The following MATN4 variants were observed in gnomAD, a reference collection of about 807,000 sequenced individuals.
MATN4 encodes matrilin-4.
A neutral mutation model predicts 54.6 loss-of-function variants in MATN4; 40 were observed. That is an observed-to-expected ratio of 0.73 (90% confidence interval 0.57 to 0.95). The LOEUF (loss-of-function observed/expected upper bound fraction) is 0.95. Ranked by LOEUF, MATN4 falls within the 40% of genes least tolerant of loss-of-function variation. MATN4 has a pLI of 0.00. For synonymous variants in MATN4, 351 were observed against 345.3 expected, an observed-to-expected ratio of 1.02 and a Z score of -0.18; for missense variants, 810 against 819.1, an observed-to-expected ratio of 0.99 and a Z score of 0.13.
chr20:45,303,185 G>A (rs959503867), intron 3 of MATN4, among the ~76,000 whole-genome samples: 5 of 151,998 alleles, frequency 3.3e-5, no homozygotes, highest in African/African-American at 1.2e-4. Context: ...GGGAGAAAGA[G>A]GGCAGAAAGC....
intron 3 of MATN4, chr20:45,303,447 C>A: frequency 1.4e-6 from 1 of 717,324 alleles, no homozygotes; most frequent in Non-Finnish European, 2.6e-6. Context: ...TGCAGTGGAA[C>A]ATGGCCCAGG....
intron 8 of MATN4, among the ~76,000 whole-genome samples, chr20:45,294,834 G>T (rs559677031): frequency 6.6e-6 from 1 of 152,140 alleles, no homozygotes; most frequent in African/African-American, 2.4e-5. Context: ...ATTTATAGCT[G>T]CTCCTCATTG....
chr20:45,294,095 T>C, intron 8 of MATN4, 80 bp from the exon 9 acceptor site: 5 of 1,094,924 alleles, frequency 4.6e-6, no homozygotes, highest in South Asian at 2.6e-5. Context: ...ACTGGGCCTA[T>C]GGTTGAGTAT....
In MATN4 at chr20:45,294,789, G is replaced by A. The variant is rs971111826; in HGVS notation, c.1580-774C>T. ...TTAGGAACTGGGCCACACAGCAGGA[G>A]GTGAGCAGCCAGCATGCAAGGGAGC... On this transcript the variant is annotated intron_variant, in intron 8 of 9. Transcript: ENST00000372756. Among the ~76,000 whole-genome samples, 12 of 152,174 alleles carry A rather than the reference G, an allele frequency of 7.9e-5. 1 individual carries two copies. Among genetic ancestry groups the A allele is most frequent in the Admixed American group, 6.5e-4 (10 of 15,282 alleles).
At chr20:45,305,787 T>C (rs997961844) in intron 1 of MATN4, among the ~76,000 whole-genome samples, 171 bp from the exon 2 acceptor site, 1 of 144,900 alleles carries the variant, frequency 6.9e-6, no homozygotes, top group African/African-American at 2.6e-5. Flanking sequence ...GTGGGATTGC[T>C]GGGAAACACA....
chr20:45,303,254 C>G, intron 3 of MATN4: 1 of 585,936 alleles, frequency 1.7e-6, no homozygotes, highest in South Asian at 2.1e-5. Context: ...ACCTTTCTTT[C>G]TTAGGCCTGT....
intron 3 of MATN4, 59 bp from the exon 4 acceptor site, chr20:45,301,502 C>T: frequency 6.4e-7 from 1 of 1,558,056 alleles, no homozygotes; most frequent in Non-Finnish European, 8.7e-7. Context: ...TCTGGTAGCA[C>T]AACCACCTAA....
chr20:45,296,446 C>T (rs900425266), intron 8 of MATN4, among the ~76,000 whole-genome samples: 2 of 152,056 alleles, frequency 1.3e-5, no homozygotes, highest in African/African-American at 4.8e-5. Context: ...AGCAAAGACC[C>T]CTAACTTCAC....
At chr20:45,304,167 A>G in intron 3 of MATN4, 61 bp downstream of exon 3, 1 of 1,370,400 alleles carries the variant, frequency 7.3e-7, no homozygotes, top group Non-Finnish European at 9.7e-7. Context: ...CTGTGGTGGG[A>G]AAGGAATCCA....
chr20:45,306,390 C>A (rs1161314059), intron 1 of MATN4, among the ~76,000 whole-genome samples: 3 of 152,194 alleles, frequency 2.0e-5, no homozygotes, highest in African/African-American at 7.2e-5. Flanking sequence ...TGTGAGCCAG[C>A]CTGGGCGTTT....
At chr20:45,296,883 G>T (rs578237369) in intron 8 of MATN4, among the ~76,000 whole-genome samples, 2 of 151,564 alleles carry the variant, frequency 1.3e-5, no homozygotes, top group South Asian at 2.1e-4. Context: ...TTGAGACAGG[G>T]TCTCACTCTG....
At chr20:45,299,278 G>C (rs1462795859) in intron 6 of MATN4, among the ~76,000 whole-genome samples, 4 of 152,152 alleles carry the variant, frequency 2.6e-5, no homozygotes, top group Non-Finnish European at 1.5e-5. Context: ...ACATAATCCT[G>C]TTCCATGAGG....
At chr20:45,304,859 C>G (rs1459734284) in intron 2 of MATN4, 62 bp from the exon 3 acceptor site, 1 of 1,113,088 alleles carries the variant, frequency 9.0e-7, no homozygotes, top group Non-Finnish European at 1.3e-6. Context: ...AGGAGACCCC[C>G]TAGGAAACCC....
Position 45,300,869 on chromosome 20 carries a change from C to A in MATN4, c.1012+18G>T, listed in dbSNP as rs755256116. ...ATGGGGCAGAAGCCAACAGAACACC[C>A]TCCCGCCCATCACTCACGGTTGCAG... On this transcript the variant is annotated intron_variant, in intron 6 of 9. Coordinates refer to ENST00000372756, the MANE Select transcript of MATN4 (RefSeq NM_001393530.1). 6.2e-7 allele frequency: 1 copy of A among 1,611,440 alleles called. No homozygotes were observed. The highest frequency in any genetic ancestry group is 1.1e-5 in the South Asian group (1 of 90,984).
chr20:45,307,939 C>T (rs1458112858), intron 1 of MATN4, among the ~76,000 whole-genome samples: 2 of 151,962 alleles, frequency 1.3e-5, no homozygotes, highest in African/African-American at 2.4e-5. Flanking sequence ...CTCAAAAGTC[C>T]CTTAGGGACA....
chr20:45,306,958 C>G (rs561560380), intron 1 of MATN4: 5 of 1,251,880 alleles, frequency 4.0e-6, no homozygotes, highest in Non-Finnish European at 5.1e-6. Context: ...AGCGCTTACC[C>G]TCCCGAGGCC....
Position 45,304,645 on chromosome 20 carries a change from T to C in MATN4, c.226A>G (p.Ile76Val), listed in dbSNP as rs770323179. Residue 76 changes from isoleucine (I) to valine (V), a missense_variant, in exon 3 of 10, where the codon ATC becomes GTC. Transcript: ENST00000372756. The part of the protein sequence containing the change: ...VGPNATRVGV[I>V]QYSSQVQSVF... ...CTCTGCACTTGACTCGAATACTGGATCACGCCAACGCGCGTGGCGTTGGGA... is the reference window on the plus strand; with the variant it reads ...CTCTGCACTTGACTCGAATACTGGACCACGCCAACGCGCGTGGCGTTGGGA... 6.2e-7 allele frequency: 1 copy of C among 1,610,848 alleles called. No homozygotes were observed. The highest frequency in any genetic ancestry group is 8.5e-7 in the Non-Finnish European group (1 of 1,177,760).
chr20:45,301,188 T>A lies in MATN4; in HGVS notation c.803A>T (p.Gln268Leu). 6.2e-7 allele frequency: 1 copy of A among 1,614,186 alleles called. No homozygotes were observed. Reference sequence around the variant, plus strand: ...ACCAGGGGTGCTAACACACTCATGCTGACAGCTATGGTTCCCAAAGCTGCA... The same window carrying A: ...ACCAGGGGTGCTAACACACTCATGCAGACAGCTATGGTTCCCAAAGCTGCA... ...DYCSFGNHSC[Q>L]HECVSTPGGP... The change falls in exon 5 of 10, where the codon CAG becomes CTG. Residue 268 changes from glutamine (Q) to leucine (L), a missense_variant. Gln to Leu is a moderately radical substitution (Grantham distance 113, BLOSUM62 -2). Transcript: ENST00000372756.
intron 1 of MATN4, chr20:45,306,895 T>G: frequency 8.0e-7 from 1 of 1,256,260 alleles, no homozygotes. Flanking sequence ...GGGCGGCGGG[T>G]GAGCGGCTGG....
Sources: allele counts gnomAD v4.1 joint callset (sites outside exome capture counted in the v4.1 genomes callset), GRCh38; gene constraint gnomAD v4.1.1; transcripts MANE v1.5; gene names NCBI Gene and HGNC (gene_info 2026-07-23, HGNC 2026-07-21).